The following NEDD4L variants were observed in gnomAD, a reference collection of about 807,000 sequenced individuals.
NEDD4L encodes the protein NEDD4 like E3 ubiquitin protein ligase, also known as E3 ubiquitin-protein ligase NEDD4-like.
A neutral mutation model predicts 148.9 loss-of-function variants in NEDD4L; 54 were observed. The ratio of observed to expected loss-of-function variants is 0.36; its 90% confidence interval spans 0.29 to 0.45. The LOEUF (loss-of-function observed/expected upper bound fraction) is 0.45, where lower values mean the gene tolerates loss of function less well. Ranked by LOEUF, NEDD4L falls within the 20% of genes least tolerant of loss-of-function variation. The pLI, the probability that NEDD4L is intolerant of heterozygous loss-of-function variation, is 1.00. For synonymous variants in NEDD4L, 433 were observed against 440.7 expected (o/e 0.98, Z 0.22); for missense variants, 856 against 1,233.8 (o/e 0.69, Z 4.59).
At chr18:58,247,994 T>C (rs1045076626) in intron 3 of NEDD4L, among the ~76,000 whole-genome samples, 13 of 152,272 alleles carry the variant, frequency 8.5e-5, no homozygotes, top group African/African-American at 2.2e-4. Context: ...TGTTGCACTC[T>C]GTTGATTTTT....
chr18:58,148,849 C>G (rs1022042263), intron 1 of NEDD4L, among the ~76,000 whole-genome samples: 45 of 152,180 alleles, frequency 3.0e-4, no homozygotes, highest in Non-Finnish European at 8.8e-5. Flanking sequence ...GTGGTGGGTT[C>G]AAGAATCTTT....
At chr18:58,185,396 A>G (rs538388007) in intron 2 of NEDD4L, among the ~76,000 whole-genome samples, 4 of 152,192 alleles carry the variant, frequency 2.6e-5, no homozygotes, top group African/African-American at 9.7e-5. Context: ...CATCAACCCC[A>G]AACTGGAGAA....
chr18:58,045,731 C>T (rs1279696428), intron 1 of NEDD4L: 3 of 152,302 alleles, frequency 2.0e-5, no homozygotes, highest in Non-Finnish European at 4.4e-5. Flanking sequence ...GCGCTCAGGT[C>T]TGGCTCCCCT....
chr18:58,316,593 G>C (rs1336981156), intron 6 of NEDD4L, among the ~76,000 whole-genome samples: 2 of 152,258 alleles, frequency 1.3e-5, no homozygotes, highest in Non-Finnish European at 2.9e-5. Flanking sequence ...CACGCACTGA[G>C]TTAGCATGTG....
In NEDD4L at chr18:58,400,435, T is replaced by C. The variant is rs1332186360; in HGVS notation, c.*4166T>C. On this transcript the variant is annotated 3_prime_UTR_variant, in exon 31 of 31. Coordinates refer to ENST00000400345, the MANE Select transcript of NEDD4L (RefSeq NM_001144967.3). ...TATAAGCCTTAATGAACAGTGTCTATACATTTGCATACACACACCCCCACC... is the reference window on the plus strand; with the variant it reads ...TATAAGCCTTAATGAACAGTGTCTACACATTTGCATACACACACCCCCACC... 3 of 152,208 alleles carry C rather than the reference T, an allele frequency of 2.0e-5. No individual in the cohort carries two copies. The highest frequency in any genetic ancestry group is 4.4e-5 in the Non-Finnish European group (3 of 68,042). The allele number at this position is 152,208 out of a possible 1,614,324, so 9.4% of individuals were successfully genotyped here.
At chr18:58,309,278 ATCCCTGCTCTGTCC>A (rs938399080) in intron 5 of NEDD4L, among the ~76,000 whole-genome samples, 2 of 152,050 alleles carry the variant, frequency 1.3e-5, no homozygotes, top group Admixed American at 1.3e-4. Flanking sequence ...CACTCCTGTC[ATCCCTGCTCTGTCC>A]TCCCTGCAAA....
chr18:58,156,979 G>A (rs1265916974), intron 1 of NEDD4L, among the ~76,000 whole-genome samples: 1 of 151,340 alleles, frequency 6.6e-6, no homozygotes, highest in African/African-American at 2.4e-5. Flanking sequence ...CCAGGAGTTT[G>A]AGACCAACTT....
At chr18:58,193,928 C>T (rs989881311) in intron 2 of NEDD4L, 1 of 152,294 alleles carries the variant, frequency 6.6e-6, no homozygotes, top group African/African-American at 2.4e-5. Context: ...TTTTCAGTAG[C>T]GTTGGCTCTT....
intron 25 of NEDD4L, 51 bp from the exon 26 acceptor site, chr18:58,385,475 A>C: frequency 2.8e-6 from 4 of 1,418,542 alleles, no homozygotes; most frequent in Admixed American, 1.7e-5. Context: ...GAAAGCAGTG[A>C]GCACTAGTGA....
intron 5 of NEDD4L, among the ~76,000 whole-genome samples, chr18:58,268,513 AT>A (rs1171105583): frequency 6.6e-6 from 1 of 151,938 alleles, no homozygotes; most frequent in Non-Finnish European, 1.5e-5. Context: ...GGGGTGAAAT[AT>A]TTTTATTCCC....
intron 5 of NEDD4L, among the ~76,000 whole-genome samples, chr18:58,266,641 G>A (rs2050257272): frequency 6.6e-6 from 1 of 152,086 alleles, no homozygotes; most frequent in African/African-American, 2.4e-5. Context: ...CAGCTCCCAG[G>A]TTCTTCATTA....
intron 1 of NEDD4L, among the ~76,000 whole-genome samples, chr18:58,151,623 A>ATGTGTGTGTGTGTGTGTGTGTGTG (rs1491376739): frequency 1.8e-4 from 10 of 56,598 alleles, no homozygotes; most frequent in Non-Finnish European, 4.3e-4. Flanking sequence ...CTGTGCCTGG[A>ATGTGTGTGTGTGTGTGTGTGTGTG]TATGTGTGTG....
intron 1 of NEDD4L, among the ~76,000 whole-genome samples, chr18:58,112,664 A>G (rs1428187921): frequency 6.6e-6 from 1 of 151,630 alleles, no homozygotes; most frequent in Non-Finnish European, 1.5e-5. Context: ...GATTTTTTGT[A>G]TTTTTAGTAG....
At chr18:58,322,636 G>C (rs2058919372) in intron 7 of NEDD4L, 150 bp downstream of exon 7, 1 of 600,564 alleles carries the variant, frequency 1.7e-6, no homozygotes, top group African/African-American at 2.0e-5. Context: ...TGCCTGCCCT[G>C]CATGCTGTGG....
chr18:58,250,866 A>C (rs754291879), intron 4 of NEDD4L, among the ~76,000 whole-genome samples: 4 of 152,168 alleles, frequency 2.6e-5, no homozygotes, highest in Non-Finnish European at 5.9e-5. Context: ...TATGTCACAC[A>C]TGTGGTTGGT....
At chr18:58,151,617 G>T (rs1383757171) in intron 1 of NEDD4L, among the ~76,000 whole-genome samples, 1 of 148,172 alleles carries the variant, frequency 6.7e-6, no homozygotes, top group Non-Finnish European at 1.5e-5. Flanking sequence ...AGGTAGCTGT[G>T]CCTGGATATG....
At chr18:58,391,786 A>G (rs2049869398) in intron 30 of NEDD4L, among the ~76,000 whole-genome samples, 2 of 152,286 alleles carry the variant, frequency 1.3e-5, no homozygotes, top group South Asian at 4.1e-4. Flanking sequence ...GCTGTGGGGA[A>G]TTTCTCCTCT....
At chr18:58,051,853 C>A (rs149451155) in intron 1 of NEDD4L, among the ~76,000 whole-genome samples, 3 of 152,224 alleles carry the variant, frequency 2.0e-5, no homozygotes, top group African/African-American at 2.4e-5. Flanking sequence ...AGTATCAGGG[C>A]AGGAGGATTA....
At chr18:58,054,637 G>A in intron 1 of NEDD4L, 1 of 155,852 alleles carries the variant, frequency 6.4e-6, no homozygotes, top group Non-Finnish European at 1.4e-5. Flanking sequence ...ATTTCACTTT[G>A]TATTCTCCTC....
Sources: allele counts gnomAD v4.1 joint callset (sites outside exome capture counted in the v4.1 genomes callset), GRCh38; gene constraint gnomAD v4.1.1; transcripts MANE v1.5; gene names NCBI Gene and HGNC (gene_info 2026-07-23, HGNC 2026-07-21).